CADPS: variants seen among roughly 807,000 people sequenced by gnomAD.
The protein encoded by CADPS is calcium-dependent secretion activator 1.
Under a neutral mutation model 167.3 loss-of-function variants are expected in CADPS, and 57 were observed. The observed-to-expected ratio is 0.34, with a 90% CI of 0.28 to 0.42. The LOEUF is 0.42. Ranked by LOEUF, CADPS falls within the 20% of genes least tolerant of loss-of-function variation. The probability of loss-of-function intolerance (pLI) is 1.00; values close to 1 mark genes in which losing one functional copy is unlikely to be tolerated. For synonymous variants in CADPS, 676 were observed against 635.3 expected (o/e 1.06, Z -0.96); for missense variants, 1,414 against 1,738.1 (o/e 0.81, Z 3.32).
chr3:62,658,050 G>C (rs2072156634), intron 4 of CADPS, among the ~76,000 whole-genome samples: 1 of 152,122 alleles, frequency 6.6e-6, no homozygotes, highest in East Asian at 1.9e-4. Context: ...TTTCCAGGAG[G>C]GGGAACCAGC....
intron 6 of CADPS, among the ~76,000 whole-genome samples, chr3:62,644,508 A>C (rs550996994): frequency 1.1e-4 from 16 of 152,238 alleles, no homozygotes; most frequent in Admixed American, 4.6e-4. Flanking sequence ...CATCCACTGC[A>C]GCGAGAGTCA....
intron 1 of CADPS, among the ~76,000 whole-genome samples, chr3:62,792,594 A>C (rs892440244): frequency 6.6e-6 from 1 of 151,790 alleles, no homozygotes; most frequent in Admixed American, 6.6e-5. Context: ...TTACTTAAAA[A>C]ACTTATTTTT....
At position 62,399,871 on chromosome 3, in the gene CADPS, A is replaced by G. The variant is rs898193202; in HGVS notation, c.3883-286T>C. ...AGTTCCATAAAGGGAAATGTTCCAT[A>G]ATTGTTTTGGTTCCTTTTTGTGGAC... On this transcript the variant is annotated intron_variant, in intron 29 of 29. Coordinates refer to ENST00000383710, the MANE Select transcript of CADPS (RefSeq NM_003716.4). This position sits in a 1 kb window ranked among gnomAD's most constrained non-coding sequence, Gnocchi z 5.6. 4.6e-5 allele frequency among the ~76,000 whole-genome samples: 7 copies of G among 152,180 alleles called. No homozygotes were observed. Among genetic ancestry groups the G allele is most frequent in the African/African-American group, 1.4e-4 (6 of 41,448 alleles).
intron 21 of CADPS, among the ~76,000 whole-genome samples, chr3:62,487,882 T>C (rs570838285): frequency 2.6e-5 from 4 of 152,246 alleles, no homozygotes; most frequent in Admixed American, 6.5e-5. Flanking sequence ...CTCAATACAT[T>C]GGTAGCATTT....
Position 62,753,911 on chromosome 3 carries a change from C to T in CADPS, c.556-138G>A. 1.4e-6 allele frequency: 1 copy of T among 729,866 alleles called. No homozygotes were observed. The highest frequency in any genetic ancestry group is 2.7e-5 in the East Asian group (1 of 36,756). The allele number at this position is 729,866 out of a possible 1,614,324, so 45.2% of individuals were successfully genotyped here. A position where few individuals can be genotyped will look rare whatever the true frequency, so the allele number is the denominator to read the frequency against. ...CTGTGGGTCTCACCCTGCCCCACCA[C>T]CTCCTGGCTGTGCAAACTCAGAGTA... On this transcript the variant is annotated intron_variant, in intron 2 of 29. Transcript: ENST00000383710. The surrounding 1 kb of genome is among the most constrained non-coding windows in gnomAD (Gnocchi z 4.6).
rs1349474010 is a variant in CADPS at position 62,433,849 on chromosome 3, A to C, written c.3777+4255T>G. The stretch of plus-strand genomic sequence containing the variant: ...GATGATCTGATCTCTAATTTCAAAA[A>C]GCATGTTTTTATTTTGGGGAAGATG... On this transcript the variant is annotated intron_variant, in intron 28 of 29. Transcript: ENST00000383710. This position sits in a 1 kb window ranked among gnomAD's most constrained non-coding sequence, Gnocchi z 4.7. Among the ~76,000 whole-genome samples the C allele has an allele frequency of 1.3e-5, 2 of 152,190 alleles. No individual in the cohort carries two copies. The highest frequency in any genetic ancestry group is 2.9e-5 in the Non-Finnish European group (2 of 68,020).
chr3:62,547,583 T>TAC (rs2076661483), intron 11 of CADPS, among the ~76,000 whole-genome samples: 1 of 92,778 alleles, frequency 1.1e-5, no homozygotes, highest in African/African-American at 5.8e-5. Context: ...TGATATCATT[T>TAC]ACGCCCCCCC....
At chr3:62,651,197 C>G in intron 4 of CADPS, 117 bp from the exon 5 acceptor site, 2 of 701,196 alleles carry the variant, frequency 2.9e-6, no homozygotes, top group Non-Finnish European at 2.4e-6. Context: ...GAAATTCACC[C>G]AGATCTCATG....
At chr3:62,792,724 T>C (rs1265733411) in intron 1 of CADPS, among the ~76,000 whole-genome samples, 1 of 152,126 alleles carries the variant, frequency 6.6e-6, no homozygotes, top group Non-Finnish European at 1.5e-5. Flanking sequence ...GCTTCCCAAG[T>C]AGCTAGCACT....
At chr3:62,466,521 C>G in intron 24 of CADPS, 108 bp from the exon 25 acceptor site, 4 of 734,374 alleles carry the variant, frequency 5.4e-6, no homozygotes, top group Non-Finnish European at 9.7e-6. Flanking sequence ...GCCTGCGGAC[C>G]CCGTTTATTT....
intron 6 of CADPS, among the ~76,000 whole-genome samples, chr3:62,639,367 G>C (rs2066956819): frequency 6.6e-6 from 1 of 152,114 alleles, no homozygotes; most frequent in South Asian, 2.1e-4. Context: ...CTGTGAACTT[G>C]AGCATGGAGT....
At chr3:62,741,252 G>A (rs2080176228) in intron 3 of CADPS, among the ~76,000 whole-genome samples, 2 of 152,104 alleles carry the variant, frequency 1.3e-5, no homozygotes, top group Admixed American at 1.3e-4. Context: ...GAGGAGGAGG[G>A]ACTCCTGCCT....
At chr3:62,733,069 C>A (rs1269740968) in intron 3 of CADPS, among the ~76,000 whole-genome samples, 1 of 152,170 alleles carries the variant, frequency 6.6e-6, no homozygotes, top group Non-Finnish European at 1.5e-5. Context: ...GTAAACTAGG[C>A]AATGGGTTAA....
At chr3:62,595,304 G>A (rs1189245360) in intron 6 of CADPS, among the ~76,000 whole-genome samples, 1 of 152,118 alleles carries the variant, frequency 6.6e-6, no homozygotes, top group Non-Finnish European at 1.5e-5. Flanking sequence ...AACGTTTGAG[G>A]TACAGATAGA....
At chr3:62,640,474 A>T (rs1262920095) in intron 6 of CADPS, among the ~76,000 whole-genome samples, 2 of 152,184 alleles carry the variant, frequency 1.3e-5, no homozygotes, top group African/African-American at 4.8e-5. Context: ...AAAATGTTAC[A>T]GGAAGTTGTT....
intron 28 of CADPS, among the ~76,000 whole-genome samples, chr3:62,405,560 A>G (rs962500100): frequency 9.2e-5 from 14 of 152,254 alleles, no homozygotes; most frequent in South Asian, 4.2e-4. Flanking sequence ...AATAAAAATA[A>G]AAAGGTAGGA....
chr3:62,497,360 G>T (rs1246179621), intron 18 of CADPS, among the ~76,000 whole-genome samples: 3 of 152,114 alleles, frequency 2.0e-5, no homozygotes, highest in Non-Finnish European at 4.4e-5. Flanking sequence ...GAATGTGTGG[G>T]TTTGGCCCAG....
chr3:62,457,238 G>A (rs1358815255), intron 26 of CADPS, among the ~76,000 whole-genome samples: 1 of 152,108 alleles, frequency 6.6e-6, no homozygotes, highest in Admixed American at 6.6e-5. Context: ...ACCACATAAT[G>A]TAGGTCTTAT....
chr3:62,655,489 T>C (rs2071318888), intron 4 of CADPS, among the ~76,000 whole-genome samples: 1 of 152,188 alleles, frequency 6.6e-6, no homozygotes, highest in Non-Finnish European at 1.5e-5. Context: ...GGAGACAGCC[T>C]CCCAAGGACA....
Sources: allele counts gnomAD v4.1 joint callset (sites outside exome capture counted in the v4.1 genomes callset), GRCh38; gene constraint gnomAD v4.1.1; non-coding constraint Gnocchi (gnomAD v3.1); transcripts MANE v1.5; gene names NCBI Gene and HGNC (gene_info 2026-07-23, HGNC 2026-07-21).